RP2: variants seen among roughly 807,000 people sequenced by gnomAD.
RP2 encodes protein XRP2.
A neutral mutation model predicts 20.3 loss-of-function variants in RP2; 3 were observed. The observed-to-expected ratio is 0.15, with a 90% confidence interval of 0.07 to 0.38. The LOEUF (loss-of-function observed/expected upper bound fraction) is 0.38. Among genes scored for constraint, RP2 ranks in the 10% least tolerant of loss-of-function variants. The pLI, the probability that RP2 is intolerant of heterozygous loss-of-function variation, is 1.00. For synonymous variants in RP2, 75 were observed against 94.8 expected, an observed-to-expected ratio of 0.79 and a Z score of 1.22; for missense variants, 233 against 268.5, an observed-to-expected ratio of 0.87 and a Z score of 0.92.
rs1037005000 is a variant in RP2, at chrX:46,857,327, C to T, written c.769-2661C>T. 1.3e-4 allele frequency among the ~76,000 whole-genome samples: 14 copies of T among 111,311 alleles called. No individual in the cohort carries two copies. The South Asian group carries it at 3.4e-3, about 27-fold the overall frequency. ...CTGTAATCCCAGCACTTTGGGAGGC[C>T]GAGGCGGGTGGATCACGAGGTCAGG... is the stretch of plus-strand genomic sequence containing the variant. On this transcript the variant is annotated intron_variant, in intron 2 of 4. Coordinates refer to ENST00000218340, the MANE Select transcript of RP2 (RefSeq NM_006915.3).
At chrX:46,867,233 G>A (rs1054486259) in intron 3 of RP2, among the ~76,000 whole-genome samples, 1 of 111,216 alleles carries the variant, frequency 9.0e-6, no homozygotes, top group Non-Finnish European at 1.9e-5. Context: ...CCCGAGTAGC[G>A]GGGATTACAG....
chrX:46,851,254 G>A (rs1465619026), intron 1 of RP2, among the ~76,000 whole-genome samples: 4 of 111,648 alleles, frequency 3.6e-5, no homozygotes, highest in Non-Finnish European at 5.6e-5. Flanking sequence ...TCACATGGAA[G>A]AAACAAAAAT....
At chrX:46,843,408 A>G (rs1490497692) in intron 1 of RP2, among the ~76,000 whole-genome samples, 1 of 111,900 alleles carries the variant, frequency 8.9e-6, no homozygotes, top group Non-Finnish European at 1.9e-5. Context: ...CACCCATATA[A>G]AATTTTGATA....
At position 46,854,141 on chromosome X, in the gene RP2, G is replaced by A. The variant is rs1227276668; in HGVS notation, c.768G>A (p.Glu256=). The stretch of plus-strand genomic sequence containing the variant: ...CAAATGCCAGAAAACTAATTGATGA[G>A]GTAAGGAGAAAGAGAAGAGAAATAG... ...TIANARKLID[E]MVGKGFFLVQ... The change falls in exon 2 of 5, where the codon GAG becomes GAA. Residue 256 remains glutamate (E), a splice_region_variant and synonymous_variant. Transcript: ENST00000218340. 1 of 1,201,919 alleles carries A rather than the reference G, an allele frequency of 8.3e-7. No individual in the cohort carries two copies. Among genetic ancestry groups the A allele is most frequent in the African/African-American group, 1.8e-5 (1 of 56,982 alleles).
At chrX:46,859,908 A>C (rs1925034414) in intron 2 of RP2, 80 bp from the exon 3 acceptor site, 1 of 695,334 alleles carries the variant, frequency 1.4e-6, no homozygotes, top group African/African-American at 2.1e-5. Context: ...CATTTTATAC[A>C]GAGAAATACT....
intron 1 of RP2, among the ~76,000 whole-genome samples, chrX:46,850,786 C>T (rs1556317970): frequency 8.9e-6 from 1 of 111,926 alleles, no homozygotes; most frequent in Non-Finnish European, 1.9e-5. Context: ...CAGCATCTCT[C>T]ATTACATGGT....
chrX:46,859,920 G>A, intron 2 of RP2, 68 bp from the exon 3 acceptor site: 1 of 758,365 alleles, frequency 1.3e-6, no homozygotes, highest in Non-Finnish European at 2.0e-6. Context: ...AGAAATACTA[G>A]AATAGGAAAT....
intron 1 of RP2, 83 bp downstream of exon 1, chrX:46,837,285 C>A: frequency 1.1e-6 from 1 of 933,466 alleles, no homozygotes; most frequent in Non-Finnish European, 1.5e-6. Flanking sequence ...GCTGAGGGGG[C>A]CGACCCAACT....
At position 46,880,867 on chromosome X, in the gene RP2, G is replaced by C. The variant is rs181617714; in HGVS notation, c.*1098G>C. On this transcript the variant is annotated 3_prime_UTR_variant, in exon 5 of 5. Transcript: ENST00000218340. ...CAGATGCACGGATTCAGTCTTCAGG[G>C]GAAACTCTGTTTTAAGGGGTATGTT... 9.0e-6 allele frequency: 1 copy of C among 111,454 alleles called. No individual in the cohort carries two copies. Among genetic ancestry groups the C allele is most frequent in the East Asian group, 2.8e-4 (1 of 3,566 alleles). 9.2% of individuals were successfully genotyped at this position (111,454 alleles called of 1,213,427 possible). A position where few individuals can be genotyped will look rare whatever the true frequency, so the allele number is the denominator to read the frequency against.
intron 2 of RP2, among the ~76,000 whole-genome samples, chrX:46,857,122 A>G (rs1440876136): frequency 9.0e-6 from 1 of 110,721 alleles, no homozygotes; most frequent in Non-Finnish European, 1.9e-5. Context: ...ACATTGTTTT[A>G]ATGCATTAAA....
At chrX:46,875,814 G>T (rs1218736423) in intron 3 of RP2, among the ~76,000 whole-genome samples, 1 of 111,271 alleles carries the variant, frequency 9.0e-6, no homozygotes, top group Non-Finnish European at 1.9e-5. Context: ...ATTTTTCTAA[G>T]ATTACTTAGT....
chrX:46,847,866 GTA>G (rs1167812505), intron 1 of RP2, among the ~76,000 whole-genome samples: 12 of 96,254 alleles, frequency 1.2e-4, no homozygotes, highest in South Asian at 4.7e-4. Flanking sequence ...ATATGTGTGT[GTA>G]TATATATACA....
intron 3 of RP2, among the ~76,000 whole-genome samples, chrX:46,871,018 T>C (rs1556326114): frequency 3.8e-5 from 4 of 104,654 alleles, no homozygotes. Context: ...GCCACGCTCA[T>C]TCCTTTTTTT....
intron 1 of RP2, among the ~76,000 whole-genome samples, chrX:46,847,765 C>CGTGTGTGTGTATATACACACAT (rs1569531386): frequency 2.2e-4 from 17 of 78,412 alleles, no homozygotes; most frequent in South Asian, 1.2e-3. Context: ...TATATACACA[C>CGTGTGTGTGTATATACACACAT]ATGTGTGTGT....
At chrX:46,847,748 G>GTGTGTGTATATACACACATA (rs1569531375) in intron 1 of RP2, among the ~76,000 whole-genome samples, 6 of 88,023 alleles carry the variant, frequency 6.8e-5, no homozygotes, top group African/African-American at 2.7e-4. Flanking sequence ...ACACATATGT[G>GTGTGTGTATATACACACATA]TGTGTGTATA....
chrX:46,837,099 C>T lies in RP2; in HGVS notation c.-2C>T, dbSNP rs1259202972. 3 of 1,166,354 alleles carry T rather than the reference C, an allele frequency of 2.6e-6. No homozygotes were observed. In the East Asian group the frequency reaches 9.8e-5, roughly 38 times the overall value. ...GGCCAACGAGCTCCGCGGGCTGGGACCATGGGCTGCTTCTTCTCCAAGAGA... is the reference window on the plus strand; with the variant it reads ...GGCCAACGAGCTCCGCGGGCTGGGATCATGGGCTGCTTCTTCTCCAAGAGA... On this transcript the variant is annotated 5_prime_UTR_variant, in exon 1 of 5. Coordinates refer to ENST00000218340, the MANE Select transcript of RP2 (RefSeq NM_006915.3).
chrX:46,878,674 A>G (rs1045801044), intron 4 of RP2, among the ~76,000 whole-genome samples: 1 of 111,446 alleles, frequency 9.0e-6, no homozygotes, highest in African/African-American at 3.3e-5. Context: ...ATAGAAAAGG[A>G]AACTGAGAGA....
rs1035286973 is a variant in RP2, at chrX:46,882,063, G to A, written c.*2294G>A. On this transcript the variant is annotated 3_prime_UTR_variant, in exon 5 of 5. Coordinates refer to ENST00000218340, the MANE Select transcript of RP2 (RefSeq NM_006915.3). ...CATTTGGCTTCTGAATGTTTGAAACGATTTTAAAAAATAAGTAGTGCTATG... is the reference window on the plus strand; with the variant it reads ...CATTTGGCTTCTGAATGTTTGAAACAATTTTAAAAAATAAGTAGTGCTATG... 9.0e-6 allele frequency: 1 copy of A among 111,554 alleles called. No individual in the cohort carries two copies. The highest frequency in any genetic ancestry group is 1.9e-5 in the Non-Finnish European group (1 of 53,100). 9.2% of individuals were successfully genotyped at this position (111,554 alleles called of 1,213,427 possible).
chrX:46,879,687 T>C lies in RP2; in HGVS notation c.971T>C (p.Met324Thr). The change falls in exon 5 of 5, where the codon ATG becomes ACG. Residue 324 changes from methionine (M) to threonine (T), a missense_variant and splice_region_variant. By Grantham distance (81) the Met-to-Thr change is moderately conservative. Coordinates refer to ENST00000218340, the MANE Select transcript of RP2 (RefSeq NM_006915.3). ...TTTTTAATTTTCTATTTAAAATAGA[T>C]GTTTGTATCTGAAAGCAAGGAGACG... ...IVNEIFNGTKMFVSESKETAS... is the reference protein window; with the variant it reads ...IVNEIFNGTKTFVSESKETAS... The C allele has an allele frequency of 8.5e-7, 1 of 1,174,769 alleles. No individual in the cohort carries two copies. Among genetic ancestry groups the C allele is most frequent in the Non-Finnish European group, 1.2e-6 (1 of 863,817 alleles).
Sources: allele counts gnomAD v4.1 joint callset (sites outside exome capture counted in the v4.1 genomes callset), GRCh38; gene constraint gnomAD v4.1.1; transcripts MANE v1.5; gene names NCBI Gene and HGNC (gene_info 2026-07-23, HGNC 2026-07-21).